The following CHST11 variants were observed in gnomAD, a reference collection of about 807,000 sequenced individuals.
The protein encoded by CHST11 is carbohydrate sulfotransferase 11.
CHST11 carries 9 observed loss-of-function variants against 30.4 expected under a neutral mutation model. The observed-to-expected ratio is 0.30, with a 90% confidence interval of 0.18 to 0.52. CHST11 has a LOEUF of 0.52. CHST11 is among the 20% of genes least tolerant of loss of function. The pLI, the probability that CHST11 is intolerant of heterozygous loss-of-function variation, is 0.97. For synonymous variants in CHST11, 152 were observed against 187.8 expected, an observed-to-expected ratio of 0.81 and a Z score of 1.56; for missense variants, 348 against 460.6, an observed-to-expected ratio of 0.76 and a Z score of 2.24.
intron 2 of CHST11, among the ~76,000 whole-genome samples, chr12:104,638,630 G>A (rs1234659305): frequency 6.6e-6 from 1 of 152,198 alleles, no homozygotes; most frequent in Non-Finnish European, 1.5e-5. Flanking sequence ...TTGCATTTCT[G>A]CCAGAAATCC....
intron 1 of CHST11, among the ~76,000 whole-genome samples, chr12:104,506,105 G>A (rs1295637709): frequency 6.6e-6 from 1 of 152,232 alleles, no homozygotes; most frequent in African/African-American, 2.4e-5. Context: ...AAAAGTGACT[G>A]TGGAAGGAAT....
At chr12:104,675,164 A>G (rs1192633292) in intron 2 of CHST11, among the ~76,000 whole-genome samples, 1 of 152,228 alleles carries the variant, frequency 6.6e-6, no homozygotes, top group Non-Finnish European at 1.5e-5. Context: ...TGGCCAAATG[A>G]AAAGTTTATA....
chr12:104,476,394 G>A (rs7965735), intron 1 of CHST11, among the ~76,000 whole-genome samples: 7 of 151,448 alleles, frequency 4.6e-5, no homozygotes, highest in African/African-American at 9.7e-5. Context: ...AGATGAAATC[G>A]TCAGGCTTAC....
At chr12:104,539,372 G>C (rs940920885) in intron 1 of CHST11, among the ~76,000 whole-genome samples, 1 of 152,112 alleles carries the variant, frequency 6.6e-6, no homozygotes, top group Admixed American at 6.6e-5. Context: ...AGTAGTTAGT[G>C]TTTGTTTTTG....
chr12:104,585,069 T>G (rs1026217055), intron 1 of CHST11, among the ~76,000 whole-genome samples: 1 of 152,202 alleles, frequency 6.6e-6, no homozygotes, highest in African/African-American at 2.4e-5. Flanking sequence ...CTTAAAAATA[T>G]GGAAATGAAA....
chr12:104,598,716 C>G (rs1212088736), intron 1 of CHST11, among the ~76,000 whole-genome samples: 1 of 152,198 alleles, frequency 6.6e-6, no homozygotes, highest in Non-Finnish European at 1.5e-5. Flanking sequence ...GGAACTTTAT[C>G]TTTTCTTGAC....
At chr12:104,486,021 C>T (rs1014588110) in intron 1 of CHST11, among the ~76,000 whole-genome samples, 1 of 152,142 alleles carries the variant, frequency 6.6e-6, no homozygotes, top group African/African-American at 2.4e-5. Flanking sequence ...TGCATGTGTG[C>T]ACGTGTGTGC....
intron 1 of CHST11, among the ~76,000 whole-genome samples, chr12:104,500,248 G>C (rs748320728): frequency 6.6e-6 from 1 of 152,042 alleles, no homozygotes; most frequent in Non-Finnish European, 1.5e-5. Context: ...TTTTATTTTC[G>C]TAACATATAA....
intron 2 of CHST11, among the ~76,000 whole-genome samples, chr12:104,643,752 T>C (rs913221400): frequency 2.0e-5 from 3 of 152,124 alleles, no homozygotes; most frequent in Admixed American, 6.5e-5. Flanking sequence ...AGATCAGGGA[T>C]GGAAACATCA....
At chr12:104,533,592 A>G (rs1008350515) in intron 1 of CHST11, among the ~76,000 whole-genome samples, 1 of 152,248 alleles carries the variant, frequency 6.6e-6, no homozygotes, top group Admixed American at 6.5e-5. Flanking sequence ...ACAACTAAAA[A>G]AATGAATAAA....
At chr12:104,697,854 C>T (rs2039960233) in intron 2 of CHST11, among the ~76,000 whole-genome samples, 2 of 152,170 alleles carry the variant, frequency 1.3e-5, no homozygotes, top group Non-Finnish European at 2.9e-5. Context: ...TTCCTGGGAC[C>T]ATGCACAGTG....
At chr12:104,727,482 C>T (rs551528525) in intron 2 of CHST11, among the ~76,000 whole-genome samples, 2 of 152,274 alleles carry the variant, frequency 1.3e-5, no homozygotes, top group East Asian at 1.9e-4. Flanking sequence ...GTGGGCAGGC[C>T]CCAGGTAGCA....
chr12:104,673,156 C>T (rs895016738), intron 2 of CHST11, among the ~76,000 whole-genome samples: 5 of 152,124 alleles, frequency 3.3e-5, no homozygotes, highest in Admixed American at 1.3e-4. Flanking sequence ...TATAAAGACA[C>T]GTCATTAATA....
chr12:104,600,008 G>T lies in CHST11; in HGVS notation c.119-1898G>T, dbSNP rs866637553. On this transcript the variant is annotated intron_variant, in intron 1 of 2. Transcript: ENST00000303694. The surrounding 1 kb of genome is among the most constrained non-coding windows in gnomAD (Gnocchi z 4.1). ...GATTTCACACCACAGTGGCCCTGCG[G>T]AAGAGTTATGACAGAGACTGCAGGG... 9.8e-5 allele frequency among the ~76,000 whole-genome samples: 15 copies of T among 152,362 alleles called. No homozygotes were observed. Among genetic ancestry groups the T allele is most frequent in the Middle Eastern group, 6.8e-3 (2 of 294 alleles).
intron 2 of CHST11, among the ~76,000 whole-genome samples, chr12:104,644,982 G>A (rs2039412387): frequency 6.6e-6 from 1 of 152,140 alleles, no homozygotes; most frequent in Non-Finnish European, 1.5e-5. Flanking sequence ...ACAGAGTCTT[G>A]CACTGTCATC....
At chr12:104,694,078 G>A (rs575975481) in intron 2 of CHST11, among the ~76,000 whole-genome samples, 187 of 152,186 alleles carry the variant, frequency 1.2e-3, no homozygotes, top group Admixed American at 3.4e-3. Context: ...GATTTGGCCC[G>A]CACATTTATC....
At chr12:104,556,062 C>G (rs912620118) in intron 1 of CHST11, among the ~76,000 whole-genome samples, 1 of 152,332 alleles carries the variant, frequency 6.6e-6, no homozygotes, top group South Asian at 2.1e-4. Context: ...GTGTGGAGCA[C>G]ATGCAGGGAT....
At chr12:104,692,101 C>T (rs1177611097) in intron 2 of CHST11, among the ~76,000 whole-genome samples, 1 of 152,230 alleles carries the variant, frequency 6.6e-6, no homozygotes, top group Non-Finnish European at 1.5e-5. Context: ...TCAAGGATTG[C>T]ATTTCTTCCT....
chr12:104,476,746 A>T (rs2037566986), intron 1 of CHST11, among the ~76,000 whole-genome samples: 2 of 151,818 alleles, frequency 1.3e-5, no homozygotes, highest in African/African-American at 4.8e-5. Context: ...GAATATGTCC[A>T]TCTTACTATA....
Sources: gnomAD v4.1 joint callset for allele counts (sites outside exome capture counted in the v4.1 genomes callset) on GRCh38, gnomAD v4.1.1 for gene constraint, Gnocchi (gnomAD v3.1) non-coding constraint, MANE v1.5 for transcripts, NCBI Gene and HGNC (gene_info 2026-07-23, HGNC 2026-07-21) for gene names.